CTNNA2: variants seen among roughly 807,000 people sequenced by gnomAD.
CTNNA2 encodes the protein catenin alpha 2.
In CTNNA2, 42 loss-of-function variants were observed where a neutral mutation model predicts 101.0. That is an observed-to-expected ratio of 0.42 (90% CI 0.32 to 0.54). The LOEUF (loss-of-function observed/expected upper bound fraction) is 0.54, where lower values mean the gene tolerates loss of function less well. Among genes scored for constraint, CTNNA2 ranks in the 20% least tolerant of loss-of-function variants. CTNNA2 has a pLI of 0.14. For synonymous variants in CTNNA2, 450 were observed against 456.4 expected (o/e 0.99, Z 0.18); for missense variants, 871 against 1,223.1 (o/e 0.71, Z 4.29).
intron 4 of CTNNA2, among the ~76,000 whole-genome samples, chr2:79,402,729 T>C (rs7568571): frequency 0.075 from 11,398 of 151,916 alleles, 436 homozygotes; most frequent in Middle Eastern, 0.11. Context: ...TTAAACCATA[T>C]ATAGGCCATA....
intron 6 of CTNNA2, among the ~76,000 whole-genome samples, chr2:79,879,360 T>C (rs2104103024): frequency 6.6e-6 from 1 of 152,302 alleles, no homozygotes; most frequent in East Asian, 1.9e-4. Flanking sequence ...GTGAAGAATG[T>C]CAATGGTAGT....
At chr2:79,487,898 T>C (rs1392225428) in intron 4 of CTNNA2, among the ~76,000 whole-genome samples, 1 of 152,130 alleles carries the variant, frequency 6.6e-6, no homozygotes, top group Non-Finnish European at 1.5e-5. Context: ...AAATAATAAA[T>C]TGGAAATAAG....
At chr2:79,287,906 C>T (rs1010544358) in intron 2 of CTNNA2, among the ~76,000 whole-genome samples, 23 of 152,230 alleles carry the variant, frequency 1.5e-4, no homozygotes, top group African/African-American at 3.4e-4. Flanking sequence ...TGAGACTCCA[C>T]GGGCGTCGGA....
Position 80,348,675 on chromosome 2 carries a change from G to A in CTNNA2, c.1057-44536G>A, listed in dbSNP as rs367661867. On this transcript the variant is annotated intron_variant, in intron 7 of 18. Transcript: ENST00000402739. Reference sequence around the variant, plus strand: ...CCTTATGCAGTGTACACATAGACATGTGTAGCTTTTTGAAATTTTGTGTAA... The same window carrying A: ...CCTTATGCAGTGTACACATAGACATATGTAGCTTTTTGAAATTTTGTGTAA... 2.4e-4 allele frequency among the ~76,000 whole-genome samples: 36 copies of A among 152,184 alleles called. No individual in the cohort carries two copies. The East Asian group carries it at 4.3e-3, about 18-fold the overall frequency.
intron 7 of CTNNA2, among the ~76,000 whole-genome samples, chr2:79,967,556 TG>T (rs1176920009): frequency 2.6e-5 from 4 of 152,250 alleles, no homozygotes; most frequent in Non-Finnish European, 4.4e-5. Flanking sequence ...CCCATTTTTC[TG>T]TTTGAGCCTT....
intron 3 of CTNNA2, among the ~76,000 whole-genome samples, chr2:79,766,763 C>CTT (rs77703514): frequency 6.7e-6 from 1 of 148,634 alleles, no homozygotes; most frequent in Non-Finnish European, 1.5e-5. Flanking sequence ...TTTCTTTTTT[C>CTT]TTTTTTTTTT....
intron 7 of CTNNA2, among the ~76,000 whole-genome samples, chr2:80,333,537 T>G (rs1209231114): frequency 6.6e-6 from 1 of 152,264 alleles, no homozygotes; most frequent in Non-Finnish European, 1.5e-5. Context: ...CATGAGATTC[T>G]GAATCTCCTT....
chr2:79,273,803 C>A (rs1335325410), intron 2 of CTNNA2, among the ~76,000 whole-genome samples: 1 of 150,632 alleles, frequency 6.6e-6, no homozygotes, highest in East Asian at 2.0e-4. Context: ...CAGCAAGCTG[C>A]ACTTTTTTTT....
intron 9 of CTNNA2, among the ~76,000 whole-genome samples, chr2:80,518,487 G>T (rs1447081847): frequency 6.6e-6 from 1 of 152,166 alleles, no homozygotes; most frequent in Non-Finnish European, 1.5e-5. Context: ...TATTAGACAT[G>T]TTGAAATGCA....
At chr2:79,655,386 T>C (rs17017417) in intron 2 of CTNNA2, among the ~76,000 whole-genome samples, 6,107 of 152,292 alleles carry the variant, frequency 0.04, 393 homozygotes, top group African/African-American at 0.14. Context: ...AAACCAATAC[T>C]GTGTAATTTA....
chr2:80,007,815 C>A (rs981970489), intron 7 of CTNNA2, among the ~76,000 whole-genome samples: 3 of 152,046 alleles, frequency 2.0e-5, no homozygotes, highest in Non-Finnish European at 4.4e-5. Flanking sequence ...ACCCTTTCTC[C>A]CAACATTGGA....
At chr2:79,596,705 G>A (rs957739632) in intron 1 of CTNNA2, among the ~76,000 whole-genome samples, 24 of 152,176 alleles carry the variant, frequency 1.6e-4, no homozygotes, top group Admixed American at 2.0e-4. Flanking sequence ...ATGCTACAAA[G>A]CCACACATTT....
intron 7 of CTNNA2, among the ~76,000 whole-genome samples, chr2:80,028,789 TG>T (rs1428799140): frequency 5.9e-5 from 9 of 152,152 alleles, no homozygotes; most frequent in South Asian, 2.1e-4. Flanking sequence ...ACAGAGGAAG[TG>T]GGCCAAGGGC....
chr2:80,351,676 GT>G (rs1310359901), intron 7 of CTNNA2, among the ~76,000 whole-genome samples: 1 of 152,128 alleles, frequency 6.6e-6, no homozygotes, highest in African/African-American at 2.4e-5. Context: ...ACATTTGAGA[GT>G]TGCTGCGGTA....
chr2:80,287,751 A>G (rs539697232), intron 7 of CTNNA2, among the ~76,000 whole-genome samples: 1 of 152,238 alleles, frequency 6.6e-6, no homozygotes, highest in East Asian at 1.9e-4. Context: ...TTTTATTCCA[A>G]AGTCCAGTCA....
At chr2:79,368,683 C>T in intron 3 of CTNNA2, among the ~76,000 whole-genome samples, 1 of 152,124 alleles carries the variant, frequency 6.6e-6, no homozygotes, top group East Asian at 1.9e-4. Flanking sequence ...GGCACACACA[C>T]AGCGCTGCCA....
intron 13 of CTNNA2, among the ~76,000 whole-genome samples, chr2:80,577,971 C>T (rs983881341): frequency 1.3e-5 from 2 of 152,152 alleles, no homozygotes; most frequent in African/African-American, 4.8e-5. Context: ...CAACAACTCA[C>T]ATGTCCAGGT....
chr2:79,646,690 C>T (rs1490100831), intron 1 of CTNNA2, among the ~76,000 whole-genome samples: 1 of 151,902 alleles, frequency 6.6e-6, no homozygotes, highest in Non-Finnish European at 1.5e-5. Context: ...CCACCATGCT[C>T]ACCTAATTTT....
At chr2:80,561,088 A>T (rs1285232612) in intron 12 of CTNNA2, among the ~76,000 whole-genome samples, 1 of 152,130 alleles carries the variant, frequency 6.6e-6, no homozygotes, top group Non-Finnish European at 1.5e-5. Flanking sequence ...TGCTAGTGGA[A>T]TAGAGTTTTA....
Sources: gnomAD v4.1 joint callset for allele counts (sites outside exome capture counted in the v4.1 genomes callset) on GRCh38, gnomAD v4.1.1 for gene constraint, MANE v1.5 for transcripts, NCBI Gene and HGNC (gene_info 2026-07-23, HGNC 2026-07-21) for gene names.